ITGA8: variants seen among roughly 807,000 people sequenced by gnomAD.
The protein encoded by ITGA8 is integrin subunit alpha 8.
ITGA8 carries 91 observed loss-of-function variants against 142.3 expected under a neutral mutation model. The ratio of observed to expected loss-of-function variants is 0.64; its 90% CI spans 0.54 to 0.76. ITGA8 has a LOEUF of 0.76. Ranked by LOEUF, ITGA8 falls within the 30% of genes least tolerant of loss-of-function variation. The pLI, the probability that ITGA8 is intolerant of heterozygous loss-of-function variation, is 0.00. For missense variants in ITGA8, 1,406 were observed against 1,327.7 expected, an observed-to-expected ratio of 1.06 and a Z score of -0.92; for synonymous variants, 505 against 485.2, an observed-to-expected ratio of 1.04 and a Z score of -0.54.
At chr10:15,562,166 G>A (rs1195044488) in intron 25 of ITGA8, among the ~76,000 whole-genome samples, 1 of 152,212 alleles carries the variant, frequency 6.6e-6, no homozygotes, top group African/African-American at 2.4e-5. Flanking sequence ...CCTATCAGGT[G>A]GGGAGGGGTT....
chr10:15,535,952 G>A (rs770751057), intron 27 of ITGA8, among the ~76,000 whole-genome samples: 4 of 151,862 alleles, frequency 2.6e-5, no homozygotes, highest in Admixed American at 6.6e-5. Flanking sequence ...CCACCGGGAG[G>A]AACGAATAAC....
chr10:15,646,881 G>A lies in ITGA8; in HGVS notation c.1172C>T (p.Ala391Val), dbSNP rs1283719048. 1.9e-6 allele frequency: 3 copies of A among 1,613,792 alleles called. No individual in the cohort carries two copies. ...ETFGRFGSAMAHLGDLNQDGY... is the reference protein window; with the variant it reads ...ETFGRFGSAMVHLGDLNQDGY... The stretch of plus-strand genomic sequence containing the variant: ...ATCTTGGTTCAGGTCTCCTAAGTGT[G>A]CCATAGCACTACCGAATCTCCCAAA... The change falls in exon 12 of 30, where the codon GCA (alanine) becomes GTA (valine). Residue 391 changes from alanine to valine, a missense_variant. Coordinates refer to ENST00000378076, the MANE Select transcript of ITGA8 (RefSeq NM_003638.3).
intron 23 of ITGA8, 107 bp from the exon 24 acceptor site, chr10:15,575,701 T>C (rs1834277643): frequency 1.3e-6 from 1 of 794,620 alleles, no homozygotes; most frequent in Non-Finnish European, 2.1e-6. Context: ...TTTCAATTTA[T>C]TTGAGTAGAT....
At chr10:15,642,473 C>G (rs567446463) in intron 13 of ITGA8, among the ~76,000 whole-genome samples, 1 of 152,216 alleles carries the variant, frequency 6.6e-6, no homozygotes, top group East Asian at 1.9e-4. Flanking sequence ...TAAAATGCAA[C>G]CCAGGAGTTG....
chr10:15,624,523 A>C (rs1382521973), intron 13 of ITGA8, among the ~76,000 whole-genome samples: 1 of 152,104 alleles, frequency 6.6e-6, no homozygotes, highest in African/African-American at 2.4e-5. Flanking sequence ...CCACTGAGAG[A>C]CAGCCAGTTT....
intron 28 of ITGA8, among the ~76,000 whole-genome samples, chr10:15,530,635 A>T (rs965643098): frequency 6.6e-6 from 1 of 150,984 alleles, no homozygotes; most frequent in South Asian, 2.1e-4. Context: ...GGTTCTTTGC[A>T]TAGCAAGAAA....
At chr10:15,639,053 C>T (rs1362573396) in intron 13 of ITGA8, among the ~76,000 whole-genome samples, 2 of 151,844 alleles carry the variant, frequency 1.3e-5, no homozygotes, top group Non-Finnish European at 2.9e-5. Context: ...CGCTAGAGCC[C>T]AGGAGTTTGA....
chr10:15,643,989 A>T (rs760951198), intron 13 of ITGA8, 41 bp downstream of exon 13: 1 of 1,543,498 alleles, frequency 6.5e-7, no homozygotes, highest in Non-Finnish European at 8.8e-7. Context: ...ACTCTATTTC[A>T]GGACGTAGAC....
intron 26 of ITGA8, among the ~76,000 whole-genome samples, chr10:15,553,980 T>G: frequency 6.6e-6 from 1 of 150,934 alleles, no homozygotes; most frequent in African/African-American, 2.4e-5. Context: ...GCACCAAGAG[T>G]GAAACTCTTG....
chr10:15,569,262 C>T lies in ITGA8; in HGVS notation c.2637+2949G>A, dbSNP rs539058881. ...TTAGAAAGCTGGGGAGAGAGCGCCT[C>T]TCTTACAGGCCCACGGTGGCCTGGG... On this transcript the variant is annotated intron_variant, in intron 25 of 29. Transcript: ENST00000378076. Among the ~76,000 whole-genome samples the T allele has an allele frequency of 3.3e-5, 5 of 152,292 alleles. No individual in the cohort carries two copies. The East Asian group carries it at 9.7e-4, about 29-fold the overall frequency.
intron 27 of ITGA8, among the ~76,000 whole-genome samples, chr10:15,538,689 T>C (rs1833505613): frequency 1.3e-5 from 2 of 152,036 alleles, no homozygotes; most frequent in Admixed American, 6.6e-5. Flanking sequence ...TATGACAAAT[T>C]GTTAAGGTGT....
intron 6 of ITGA8, among the ~76,000 whole-genome samples, chr10:15,674,000 CA>C (rs1834578778): frequency 6.7e-6 from 1 of 149,412 alleles, no homozygotes; most frequent in Admixed American, 6.6e-5. Flanking sequence ...GAAATGCGTT[CA>C]AAAGACTATC....
At position 15,719,823 on chromosome 10, in the gene ITGA8, C is replaced by T. The variant is rs1259258126; in HGVS notation, c.-52G>A. On this transcript the variant is annotated 5_prime_UTR_variant, in exon 1 of 30. Coordinates refer to ENST00000378076, the MANE Select transcript of ITGA8 (RefSeq NM_003638.3). ...TACCCAGGAGCGCGAGCCGAGGACC[C>T]CTGCGGGGCAAGGGGGGCTGGTGGA... 3 of 1,268,852 alleles carry T rather than the reference C, an allele frequency of 2.4e-6. No homozygotes were observed. The East Asian group carries it at 9.5e-5, about 40-fold the overall frequency. 78.6% of individuals were successfully genotyped at this position (1,268,852 alleles called of 1,614,324 possible).
intron 26 of ITGA8, among the ~76,000 whole-genome samples, chr10:15,552,996 C>T (rs181266999): frequency 6.6e-6 from 1 of 152,294 alleles, no homozygotes; most frequent in East Asian, 1.9e-4. Context: ...GTGGCTCACA[C>T]CTATAACCCC....
At chr10:15,616,661 G>A (rs1217679602) in intron 13 of ITGA8, 102 bp from the exon 14 acceptor site, 3 of 904,348 alleles carry the variant, frequency 3.3e-6, no homozygotes, top group African/African-American at 1.6e-5. Flanking sequence ...ACATGCTGAT[G>A]GTACGAGAGC....
At position 15,534,592 on chromosome 10, in the gene ITGA8, G is replaced by T. The variant is rs185634104; in HGVS notation, c.2881-3441C>A. ...CATCCATTTGATGGCAATTATGAAA[G>T]ATCTTTCCATTATTGAATTGGACAC... On this transcript the variant is annotated intron_variant, in intron 27 of 29. Coordinates refer to ENST00000378076, the MANE Select transcript of ITGA8 (RefSeq NM_003638.3). Among the ~76,000 whole-genome samples the T allele has an allele frequency of 6.6e-5, 10 of 152,304 alleles. No individual in the cohort carries two copies. The East Asian group carries it at 1.9e-3, about 29-fold the overall frequency.
rs146038366 is a variant in ITGA8, at chr10:15,631,619, G to T, written c.1399+12411C>A. On this transcript the variant is annotated intron_variant, in intron 13 of 29. Coordinates refer to ENST00000378076, the MANE Select transcript of ITGA8 (RefSeq NM_003638.3). ...ATTAGGAGAAATACTTAATGTAGATGACGGGTTGATGGGTGCAGCAAATCA... is the reference window on the plus strand; with the variant it reads ...ATTAGGAGAAATACTTAATGTAGATTACGGGTTGATGGGTGCAGCAAATCA... 4.8e-3 allele frequency among the ~76,000 whole-genome samples: 723 copies of T among 151,714 alleles called. 1 individual carries two copies. The highest frequency in any genetic ancestry group is 6.8e-3 in the Middle Eastern group (2 of 294).
chr10:15,525,167 C>T (rs957059885), intron 28 of ITGA8, among the ~76,000 whole-genome samples: 1 of 151,984 alleles, frequency 6.6e-6, no homozygotes, highest in Non-Finnish European at 1.5e-5. Context: ...TACCACCATG[C>T]CTGGTGGTTT....
intron 23 of ITGA8, among the ~76,000 whole-genome samples, chr10:15,578,631 A>G (rs1347498496): frequency 1.3e-5 from 2 of 152,124 alleles, no homozygotes; most frequent in Non-Finnish European, 2.9e-5. Flanking sequence ...TTCAAACCCT[A>G]TCATTCCCAA....
Sources: allele counts gnomAD v4.1 joint callset (sites outside exome capture counted in the v4.1 genomes callset), GRCh38; gene constraint gnomAD v4.1.1; transcripts MANE v1.5; gene names NCBI Gene and HGNC (gene_info 2026-07-23, HGNC 2026-07-21).